STAMBPL1: variants seen among roughly 807,000 people sequenced by gnomAD.
STAMBPL1 encodes AMSH-like protease.
In STAMBPL1, 44 loss-of-function variants were observed where a neutral mutation model predicts 52.9. The ratio of observed to expected loss-of-function variants is 0.83; its 90% CI spans 0.65 to 1.07. The LOEUF is 1.07. Ranked by LOEUF, STAMBPL1 falls within the 50% of genes least tolerant of loss-of-function variation. STAMBPL1 has a pLI of 0.00. For missense variants in STAMBPL1, 511 were observed against 520.8 expected, an observed-to-expected ratio of 0.98 and a Z score of 0.18; for synonymous variants, 164 against 177.3, an observed-to-expected ratio of 0.92 and a Z score of 0.60.
At chr10:88,907,940 A>G (rs999912533) in intron 3 of STAMBPL1, among the ~76,000 whole-genome samples, 5 of 152,234 alleles carry the variant, frequency 3.3e-5, no homozygotes, top group African/African-American at 9.6e-5. Context: ...TAGCATTTAC[A>G]GCTCATTATG....
At chr10:88,880,849 C>A (rs1277961266) in intron 1 of STAMBPL1, among the ~76,000 whole-genome samples, 1 of 152,240 alleles carries the variant, frequency 6.6e-6, no homozygotes, top group African/African-American at 2.4e-5. Context: ...ATCGGCGCCG[C>A]CTGTATGCGC....
chr10:88,909,998 G>A (rs61852567), intron 4 of STAMBPL1, among the ~76,000 whole-genome samples: 2,104 of 152,162 alleles, frequency 0.014, 19 homozygotes, highest in Middle Eastern at 0.041. Context: ...TTCAACCTCA[G>A]AGAGTTCTGT....
rs569983822 is a variant in STAMBPL1, at chr10:88,899,591, C to A, written c.-53-2065C>A. 7.9e-5 allele frequency among the ~76,000 whole-genome samples: 12 copies of A among 152,284 alleles called. 1 individual carries two copies. The South Asian group carries it at 1.9e-3, about 24-fold the overall frequency. On this transcript the variant is annotated intron_variant, in intron 1 of 10. Transcript: ENST00000371926. Reference sequence around the variant, plus strand: ...GTGGTGCCATCTCAACTCACTGCATCCTCCGCCCCATGGATTCAAGCAATT... The same window carrying A: ...GTGGTGCCATCTCAACTCACTGCATACTCCGCCCCATGGATTCAAGCAATT...
chr10:88,914,437 A>T, intron 6 of STAMBPL1, 97 bp from the exon 7 acceptor site: 1 of 1,027,398 alleles, frequency 9.7e-7, no homozygotes, highest in Non-Finnish European at 1.3e-6. Context: ...TTTATTTTTG[A>T]AATTTATGTC....
At chr10:88,914,907 T>G (rs1315042050) in intron 7 of STAMBPL1, among the ~76,000 whole-genome samples, 3 of 152,122 alleles carry the variant, frequency 2.0e-5, no homozygotes, top group Admixed American at 2.0e-4. Flanking sequence ...AACCTATAAA[T>G]TAAATCTTTG....
chr10:88,897,235 G>T (rs1394965430), intron 1 of STAMBPL1, among the ~76,000 whole-genome samples: 1 of 152,192 alleles, frequency 6.6e-6, no homozygotes, highest in Non-Finnish European at 1.5e-5. Context: ...TGCTCAGTTG[G>T]TTCTGGGAGC....
chr10:88,922,420 A>AG lies in STAMBPL1; in HGVS notation c.1239dup (p.Pro414AlafsTer48). 4 of 1,613,452 alleles carry AG rather than the reference A, an allele frequency of 2.5e-6. No homozygotes were observed. The highest frequency in any genetic ancestry group is 3.4e-6 in the Non-Finnish European group (4 of 1,179,662). ...AAGGGCTTTCATCCACACACCAAGG[A>AG]GCCCAGGCTGTTCAGTGTGAGTACA... On this transcript the variant is annotated frameshift_variant, in exon 10 of 11. Transcript: ENST00000371926. LOFTEE classifies it high-confidence loss of function.
intron 1 of STAMBPL1, among the ~76,000 whole-genome samples, chr10:88,884,073 T>C (rs1044854664): frequency 2.0e-4 from 30 of 152,226 alleles, no homozygotes; most frequent in Admixed American, 5.9e-4. Context: ...CTTCCTTTCA[T>C]GTCCTTCTCT....
intron 1 of STAMBPL1, among the ~76,000 whole-genome samples, chr10:88,892,353 CGT>C (rs5786841): frequency 0.42 from 61,954 of 148,514 alleles, 13,532 homozygotes; most frequent in East Asian, 0.82. Context: ...TGTGCGTGTG[CGT>C]GTGTGTGTGT....
chr10:88,916,613 T>A, intron 7 of STAMBPL1, 67 bp from the exon 8 acceptor site: 1 of 1,485,006 alleles, frequency 6.7e-7, no homozygotes, highest in Non-Finnish European at 9.0e-7. Flanking sequence ...AAACATTTCA[T>A]TTCCTGTTCA....
chr10:88,919,793 C>G (rs536476345), intron 8 of STAMBPL1, among the ~76,000 whole-genome samples: 4 of 150,692 alleles, frequency 2.7e-5, no homozygotes, highest in Non-Finnish European at 4.4e-5. Flanking sequence ...AAATCATCAT[C>G]TGATTTTACC....
intron 3 of STAMBPL1, 64 bp from the exon 4 acceptor site, chr10:88,908,638 A>G: frequency 2.2e-6 from 3 of 1,337,798 alleles, no homozygotes; most frequent in Non-Finnish European, 3.2e-6. Flanking sequence ...TCATTCCCTT[A>G]TTAGAAAGCA....
chr10:88,907,983 C>T (rs1435810147), intron 3 of STAMBPL1, among the ~76,000 whole-genome samples: 1 of 152,128 alleles, frequency 6.6e-6, no homozygotes, highest in African/African-American at 2.4e-5. Context: ...ATTCATTTTG[C>T]AAATATTTAT....
intron 2 of STAMBPL1, among the ~76,000 whole-genome samples, chr10:88,904,134 C>A (rs1255587486): frequency 6.6e-6 from 1 of 152,240 alleles, no homozygotes; most frequent in Non-Finnish European, 1.5e-5. Flanking sequence ...AGTAGTCAGA[C>A]TTGCAACCTA....
intron 1 of STAMBPL1, among the ~76,000 whole-genome samples, chr10:88,895,694 G>T (rs1275327157): frequency 1.3e-5 from 2 of 152,194 alleles, no homozygotes; most frequent in African/African-American, 2.4e-5. Context: ...GCACAAAAAG[G>T]TTAAATAAGC....
chr10:88,904,367 T>G (rs921550152), intron 2 of STAMBPL1, among the ~76,000 whole-genome samples: 2 of 152,194 alleles, frequency 1.3e-5, no homozygotes, highest in African/African-American at 2.4e-5. Flanking sequence ...AATTTGCATT[T>G]GTAAGAAACT....
At chr10:88,914,506 A>G (rs1845317007) in intron 6 of STAMBPL1, 28 bp from the exon 7 acceptor site, 1 of 1,459,278 alleles carries the variant, frequency 6.9e-7, no homozygotes, top group Non-Finnish European at 9.1e-7. Context: ...TTTGTTTTTT[A>G]GCCTTTTCTC....
chr10:88,880,469 GCGGACGCCTCGTCGCCGGGTGC>G lies in STAMBPL1; in HGVS notation c.-219_-198del, dbSNP rs1378933248. Reference sequence around the variant, plus strand: ...GAGGAGGCACGGCCGAGGCAAACGAGCGGACGCCTCGTCGCCGGGTGCCGGTATCACCCCGCTGCAACGCCTT... The same window carrying G: ...GAGGAGGCACGGCCGAGGCAAACGAGCGGTATCACCCCGCTGCAACGCCTT... On this transcript the variant is annotated 5_prime_UTR_variant, in exon 1 of 11. Transcript: ENST00000371926. 6.6e-6 allele frequency: 1 copy of G among 152,282 alleles called. No individual in the cohort carries two copies. The highest frequency in any genetic ancestry group is 1.5e-5 in the Non-Finnish European group (1 of 68,068). The allele number at this position is 152,282 out of a possible 1,614,324, so 9.4% of individuals were successfully genotyped here. A position where few individuals can be genotyped will look rare whatever the true frequency, so the allele number is the denominator to read the frequency against.
rs2133184594 is a variant in STAMBPL1 at position 88,908,738 on chromosome 10, C to T, written c.285C>T (p.Tyr95=). The part of the protein sequence containing the change: ...FVEKLPNHRD[Y]QQCAVPEKQD... Reference sequence around the variant, plus strand: ...AAAAGCTTCCTAACCATCGAGATTACCAGCAATGTGCAGTACCTGAAAAGC... The same window carrying T: ...AAAAGCTTCCTAACCATCGAGATTATCAGCAATGTGCAGTACCTGAAAAGC... Residue 95 remains tyrosine (Y), a synonymous_variant, in exon 4 of 11, where the codon TAC becomes TAT. Coordinates refer to ENST00000371926, the MANE Select transcript of STAMBPL1 (RefSeq NM_020799.4). 6.2e-7 allele frequency: 1 copy of T among 1,609,964 alleles called. No individual in the cohort carries two copies. The highest frequency in any genetic ancestry group is 2.2e-5 in the East Asian group (1 of 44,618).
Sources: gnomAD v4.1 joint callset for allele counts (sites outside exome capture counted in the v4.1 genomes callset) on GRCh38, gnomAD v4.1.1 for gene constraint, MANE v1.5 for transcripts, NCBI Gene and HGNC (gene_info 2026-07-23, HGNC 2026-07-21) for gene names.